Variants in TMEM132C observed in about 807,000 individuals in gnomAD.
TMEM132C encodes transmembrane protein 132C.
In TMEM132C, 29 loss-of-function variants were observed where a neutral mutation model predicts 61.4. The observed-to-expected ratio is 0.47, with a 90% CI of 0.35 to 0.64. The LOEUF is 0.64. Ranked by LOEUF, TMEM132C falls within the 30% of genes least tolerant of loss-of-function variation. The pLI, the probability that TMEM132C is intolerant of heterozygous loss-of-function variation, is 0.00. For synonymous variants in TMEM132C, 656 were observed against 633.1 expected (o/e 1.04, Z -0.54); for missense variants, 1,408 against 1,476.9 (o/e 0.95, Z 0.76).
chr12:128,566,412 G>A (rs1874705754), intron 3 of TMEM132C, among the ~76,000 whole-genome samples: 1 of 152,148 alleles, frequency 6.6e-6, no homozygotes, highest in South Asian at 2.1e-4. Flanking sequence ...TTTTGGACCT[G>A]AGAATGTTAT....
intron 1 of TMEM132C, among the ~76,000 whole-genome samples, chr12:128,355,899 G>T (rs1444790098): frequency 6.6e-6 from 1 of 152,022 alleles, no homozygotes; most frequent in Admixed American, 6.5e-5. Context: ...GCAGCCCCCT[G>T]GCACTCTTTA....
In TMEM132C at chr12:128,669,475, A is replaced by T. The variant is rs769557725; in HGVS notation, c.1364A>T (p.Lys455Met). 10 of 1,551,720 alleles carry T rather than the reference A, an allele frequency of 6.4e-6. No individual in the cohort carries two copies. In the South Asian group the frequency reaches 8.3e-5, roughly 13 times the overall value. ...GGAAAGACAGTTGCCATGCCTATCAAGGTGGTCTCTGTGGAGGAGAACAGT... is the reference window on the plus strand; with the variant it reads ...GGAAAGACAGTTGCCATGCCTATCATGGTGGTCTCTGTGGAGGAGAACAGT... ...LTGKTVAMPIKVVSVEENSAV... is the reference protein window; with the variant it reads ...LTGKTVAMPIMVVSVEENSAV... Residue 455 changes from lysine (K) to methionine (M), a missense_variant, in exon 5 of 9, where the codon AAG (lysine) becomes ATG (methionine). Coordinates refer to ENST00000435159, the MANE Select transcript of TMEM132C (RefSeq NM_001136103.3).
chr12:128,513,489 A>G (rs1296175038), intron 2 of TMEM132C, among the ~76,000 whole-genome samples: 1 of 152,132 alleles, frequency 6.6e-6, no homozygotes, highest in Non-Finnish European at 1.5e-5. Flanking sequence ...TTCTGCAGGG[A>G]CACTTCTTGC....
At chr12:128,377,515 C>G (rs73436610) in intron 1 of TMEM132C, among the ~76,000 whole-genome samples, 1 of 152,274 alleles carries the variant, frequency 6.6e-6, no homozygotes, top group African/African-American at 2.4e-5. Flanking sequence ...ACAAATTCAG[C>G]AGGTATTTAA....
intron 1 of TMEM132C, among the ~76,000 whole-genome samples, chr12:128,412,872 T>C (rs1868609529): frequency 6.6e-6 from 1 of 152,222 alleles, no homozygotes; most frequent in South Asian, 2.1e-4. Flanking sequence ...AAGCACTCCA[T>C]ATTGCTTCAT....
chr12:128,686,853 A>C (rs2135645538), intron 5 of TMEM132C, among the ~76,000 whole-genome samples: 1 of 152,244 alleles, frequency 6.6e-6, no homozygotes, highest in African/African-American at 2.4e-5. Context: ...CAATCTAGAG[A>C]GAGGAAGCAA....
intron 1 of TMEM132C, among the ~76,000 whole-genome samples, chr12:128,377,318 G>A (rs1874224119): frequency 6.6e-6 from 1 of 152,176 alleles, no homozygotes; most frequent in Non-Finnish European, 1.5e-5. Context: ...CTCCCAAAGG[G>A]TTGGGATTAT....
At chr12:128,280,642 G>A (rs1224339489) in intron 1 of TMEM132C, among the ~76,000 whole-genome samples, 1 of 152,220 alleles carries the variant, frequency 6.6e-6, no homozygotes, top group African/African-American at 2.4e-5. Flanking sequence ...ACTTGATCTG[G>A]GTATTCAATT....
Position 128,415,130 on chromosome 12 carries a change from G to T in TMEM132C, c.484G>T (p.Gly162Cys). The T allele has an allele frequency of 1.2e-6, 2 of 1,609,554 alleles. No homozygotes were observed. The highest frequency in any genetic ancestry group is 1.7e-6 in the Non-Finnish European group (2 of 1,177,968). Reference protein sequence around the residue: ...HIMGRDWDDHGAGEKLPCLRV... With the variant: ...HIMGRDWDDHCAGEKLPCLRV... The stretch of plus-strand genomic sequence containing the variant: ...CATGGGCAGAGACTGGGATGACCAC[G>T]GCGCCGGGGAGAAGCTGCCATGCCT... The change falls in exon 2 of 9, where the codon GGC becomes TGC. Residue 162 changes from glycine (G) to cysteine (C), a missense_variant. Coordinates refer to ENST00000435159, the MANE Select transcript of TMEM132C (RefSeq NM_001136103.3). This position sits in a 1 kb window ranked among gnomAD's most constrained non-coding sequence, Gnocchi z 5.8.
At chr12:128,267,579 C>T in intron 1 of TMEM132C, 92 bp downstream of exon 1, 3 of 1,011,154 alleles carry the variant, frequency 3.0e-6, no homozygotes, top group East Asian at 3.9e-5. Flanking sequence ...GCGAGGGGTG[C>T]GGCGGGGGCC....
chr12:128,291,000 T>G (rs1482550189), intron 1 of TMEM132C, among the ~76,000 whole-genome samples: 1 of 152,184 alleles, frequency 6.6e-6, no homozygotes, highest in Admixed American at 6.5e-5. Context: ...AGTTTACATC[T>G]TTTCCACAAT....
intron 2 of TMEM132C, among the ~76,000 whole-genome samples, chr12:128,523,534 T>C (rs1167272874): frequency 2.6e-5 from 4 of 152,176 alleles, no homozygotes; most frequent in African/African-American, 4.8e-5. Context: ...GGAGTTTGAA[T>C]GGTGTTGCCA....
At chr12:128,625,536 A>G (rs952336781) in intron 4 of TMEM132C, among the ~76,000 whole-genome samples, 1 of 152,222 alleles carries the variant, frequency 6.6e-6, no homozygotes, top group Non-Finnish European at 1.5e-5. Flanking sequence ...GGCAAGGAGG[A>G]GCAAGTCACA....
intron 2 of TMEM132C, among the ~76,000 whole-genome samples, chr12:128,484,271 C>T (rs1392044760): frequency 6.6e-6 from 1 of 152,150 alleles, no homozygotes; most frequent in South Asian, 2.1e-4. Flanking sequence ...TATCAGATCA[C>T]AGAAATGGCC....
intron 1 of TMEM132C, among the ~76,000 whole-genome samples, chr12:128,328,432 T>C (rs995611369): frequency 1.3e-5 from 2 of 152,192 alleles, no homozygotes; most frequent in African/African-American, 4.8e-5. Context: ...GATGCTGCTG[T>C]CTAGGGATGG....
chr12:128,491,639 C>A (rs1286034394), intron 2 of TMEM132C, among the ~76,000 whole-genome samples: 1 of 152,152 alleles, frequency 6.6e-6, no homozygotes, highest in Non-Finnish European at 1.5e-5. Flanking sequence ...GATGTGCTGA[C>A]ACTGACCTCC....
chr12:128,565,230 C>T (rs1874655362), intron 3 of TMEM132C, among the ~76,000 whole-genome samples: 1 of 152,190 alleles, frequency 6.6e-6, no homozygotes, highest in African/African-American at 2.4e-5. Context: ...AGAATTCTCT[C>T]AACAACGACA....
rs144544138 is a variant in TMEM132C at position 128,329,223 on chromosome 12, C to T, written c.85+61736C>T. Among the ~76,000 whole-genome samples, 371 of 152,232 alleles carry T rather than the reference C, an allele frequency of 2.4e-3. 3 individuals are homozygous for T. Among genetic ancestry groups the T allele is most frequent in the Middle Eastern group, 0.01 (3 of 294 alleles). ...AAAGACCGCAATACGGTTGAACCTTCGGATTATTTCGGAGATGAAAACCCT... is the reference window on the plus strand; with the variant it reads ...AAAGACCGCAATACGGTTGAACCTTTGGATTATTTCGGAGATGAAAACCCT... On this transcript the variant is annotated intron_variant, in intron 1 of 8. Coordinates refer to ENST00000435159, the MANE Select transcript of TMEM132C (RefSeq NM_001136103.3).
chr12:128,290,085 G>C (rs555060987), intron 1 of TMEM132C, among the ~76,000 whole-genome samples: 1 of 152,176 alleles, frequency 6.6e-6, no homozygotes, highest in Admixed American at 6.5e-5. Context: ...ATTCTGAAAG[G>C]CTGGATCCAA....
Sources: gnomAD v4.1 joint callset for allele counts (sites outside exome capture counted in the v4.1 genomes callset) on GRCh38, gnomAD v4.1.1 for gene constraint, Gnocchi (gnomAD v3.1) non-coding constraint, MANE v1.5 for transcripts, NCBI Gene and HGNC (gene_info 2026-07-23, HGNC 2026-07-21) for gene names.